Variants in NDN observed in about 807,000 individuals in gnomAD.
The protein encoded by NDN is necdin.
For synonymous variants in NDN, 245 were observed against 189.4 expected, an observed-to-expected ratio of 1.29 and a Z score of -2.41; for missense variants, 465 against 440.4, an observed-to-expected ratio of 1.06 and a Z score of -0.50.
In NDN at chr15:23,685,999, T is replaced by C; in HGVS notation, c.*253A>G. On this transcript the variant is annotated 3_prime_UTR_variant, in exon 1 of 1. Transcript: ENST00000649030. ...GTTTAGCACATCTCTGGTACAAAAATCCAAGAAAGGTAGCACAAAAGCGAA... is the reference window on the plus strand; with the variant it reads ...GTTTAGCACATCTCTGGTACAAAAACCCAAGAAAGGTAGCACAAAAGCGAA... 1 of 313,454 alleles carries C rather than the reference T, an allele frequency of 3.2e-6. No homozygotes were observed. The highest frequency in any genetic ancestry group is 5.7e-6 in the Non-Finnish European group (1 of 174,074). The allele number at this position is 313,454 out of a possible 1,614,324, so 19.4% of individuals were successfully genotyped here.
rs1036480541 is a variant in NDN, at chr15:23,685,510, T to C, written c.*742A>G. 1 of 152,242 alleles carries C rather than the reference T, an allele frequency of 6.6e-6. No individual in the cohort carries two copies. The highest frequency in any genetic ancestry group is 6.5e-5 in the Admixed American group (1 of 15,276). The allele number at this position is 152,242 out of a possible 1,614,324, so 9.4% of individuals were successfully genotyped here. A position where few individuals can be genotyped will look rare whatever the true frequency, so the allele number is the denominator to read the frequency against. On this transcript the variant is annotated 3_prime_UTR_variant, in exon 1 of 1. Transcript: ENST00000649030. ...TTTTGAAATAAACATGAGTTACATT[T>C]AAAGACAATAGAACTATAAACTTCA...
At position 23,686,281 on chromosome 15, in the gene NDN, A is replaced by G; in HGVS notation, c.937T>C (p.Tyr313His). The change falls in exon 1 of 1, where the codon TAC becomes CAC. Residue 313 changes from tyrosine to histidine, a missense_variant. Coordinates refer to ENST00000649030, the MANE Select transcript of NDN (RefSeq NM_002487.3). ...TCCTCAGAGACACTGCTGCGAGGGT[A>G]GTGGGCAGTGGGATTAGCCTCCCGC... Reference protein sequence around the residue: ...ALREANPTAHYPRSSVSED With the variant: ...ALREANPTAHHPRSSVSED 2.0e-6 allele frequency: 3 copies of G among 1,512,324 alleles called. No homozygotes were observed. The highest frequency in any genetic ancestry group is 2.7e-6 in the Non-Finnish European group (3 of 1,131,878). The allele number at this position is 1,512,324 out of a possible 1,614,324, so 93.7% of individuals were successfully genotyped here.
chr15:23,686,990 C>G lies in NDN; in HGVS notation c.228G>C (p.Glu76Asp), dbSNP rs1462980513. Residue 76 changes from glutamate to aspartate, a missense_variant, in exon 1 of 1, where the codon GAG (glutamate) becomes GAC (aspartate). Coordinates refer to ENST00000649030, the MANE Select transcript of NDN (RefSeq NM_002487.3). ...CGCTCGGGGCCTGGTGGGCGCGGCC[C>G]TCCTCCGCAGCCTGCTGCAGGGCCT... ...DPKALQQAAEEGRAHQAPSAA... is the reference protein window; with the variant it reads ...DPKALQQAAEDGRAHQAPSAA... The G allele has an allele frequency of 6.8e-7, 1 of 1,477,150 alleles. No individual in the cohort carries two copies. The highest frequency in any genetic ancestry group is 1.4e-5 in the South Asian group (1 of 71,860). 91.5% of individuals were successfully genotyped at this position (1,477,150 alleles called of 1,614,324 possible). A position where few individuals can be genotyped will look rare whatever the true frequency, so the allele number is the denominator to read the frequency against.
At position 23,685,980 on chromosome 15, in the gene NDN, C is replaced by T; in HGVS notation, c.*272G>A. 1.1e-5 allele frequency: 3 copies of T among 268,272 alleles called. No individual in the cohort carries two copies. The highest frequency in any genetic ancestry group is 2.1e-5 in the Non-Finnish European group (3 of 143,460). 16.6% of individuals were successfully genotyped at this position (268,272 alleles called of 1,614,324 possible). A position where few individuals can be genotyped will look rare whatever the true frequency, so the allele number is the denominator to read the frequency against. On this transcript the variant is annotated 3_prime_UTR_variant, in exon 1 of 1. Coordinates refer to ENST00000649030, the MANE Select transcript of NDN (RefSeq NM_002487.3). Reference sequence around the variant, plus strand: ...TTCTCAATGTATTTCATCAGTTTAGCACATCTCTGGTACAAAAATCCAAGA... The same window carrying T: ...TTCTCAATGTATTTCATCAGTTTAGTACATCTCTGGTACAAAAATCCAAGA...
chr15:23,686,918 C>A lies in NDN; in HGVS notation c.300G>T (p.Gln100His). 1 of 1,613,010 alleles carries A rather than the reference C, an allele frequency of 6.2e-7. No homozygotes were observed. Among genetic ancestry groups the A allele is most frequent in the African/African-American group, 1.3e-5 (1 of 75,038 alleles). ...PAPPAPAQLV[Q>H]KAHELMWYVL... ...CGTACCACATGAGCTCGTGCGCCTT[C>A]TGCACCAGCTGCGCCGGGGCTGGCG... Residue 100 changes from glutamine to histidine, a missense_variant, in exon 1 of 1, where the codon CAG (glutamine) becomes CAT (histidine). By Grantham distance (24) the Gln-to-His change is conservative. Coordinates refer to ENST00000649030, the MANE Select transcript of NDN (RefSeq NM_002487.3).
Position 23,686,984 on chromosome 15 carries a change from G to A in NDN, c.234C>T (p.Arg78=). ...GGGCCGCGCTCGGGGCCTGGTGGGCGCGGCCCTCCTCCGCAGCCTGCTGCA... is the reference window on the plus strand; with the variant it reads ...GGGCCGCGCTCGGGGCCTGGTGGGCACGGCCCTCCTCCGCAGCCTGCTGCA... ...KALQQAAEEG[R]AHQAPSAAQP... Residue 78 remains arginine (R), a synonymous_variant, in exon 1 of 1, where the codon CGC becomes CGT. Coordinates refer to ENST00000649030, the MANE Select transcript of NDN (RefSeq NM_002487.3). 2 of 1,487,172 alleles carry A rather than the reference G, an allele frequency of 1.3e-6. No individual in the cohort carries two copies. Among genetic ancestry groups the A allele is most frequent in the South Asian group, 1.4e-5 (1 of 73,356 alleles). The allele number at this position is 1,487,172 out of a possible 1,614,324, so 92.1% of individuals were successfully genotyped here.
Position 23,686,292 on chromosome 15 carries a change from G to T in NDN, c.926C>A (p.Pro309His), listed in dbSNP as rs1425172273. Reference protein sequence around the residue: ...EEARALREANPTAHYPRSSVS... With the variant: ...EEARALREANHTAHYPRSSVS... ...ACTGCTGCGAGGGTAGTGGGCAGTG[G>T]GATTAGCCTCCCGCAGAGCTCTGGC... Residue 309 changes from proline to histidine, a missense_variant, in exon 1 of 1, where the codon CCC (proline) becomes CAC (histidine). Coordinates refer to ENST00000649030, the MANE Select transcript of NDN (RefSeq NM_002487.3). 3 of 1,515,996 alleles carry T rather than the reference G, an allele frequency of 2.0e-6. No homozygotes were observed. Among genetic ancestry groups the T allele is most frequent in the Non-Finnish European group, 1.8e-6 (2 of 1,133,930 alleles). The allele number at this position is 1,515,996 out of a possible 1,614,324, so 93.9% of individuals were successfully genotyped here.
chr15:23,687,162 T>G lies in NDN; in HGVS notation c.56A>C (p.Asn19Thr). Residue 19 changes from asparagine to threonine, a missense_variant, in exon 1 of 1, where the codon AAC becomes ACC. Asn to Thr is a moderately conservative substitution (Grantham distance 65). Coordinates refer to ENST00000649030, the MANE Select transcript of NDN (RefSeq NM_002487.3). ...SDPNFAAEAPNSEVHSSPGVS... is the reference protein window; with the variant it reads ...SDPNFAAEAPTSEVHSSPGVS... ...CCCAGGGCTGCTGTGCACCTCGGAGTTGGGGGCCTCGGCTGCAAAGTTAGG... is the reference window on the plus strand; with the variant it reads ...CCCAGGGCTGCTGTGCACCTCGGAGGTGGGGGCCTCGGCTGCAAAGTTAGG... The G allele has an allele frequency of 1.3e-6, 2 of 1,540,952 alleles. No individual in the cohort carries two copies. Among genetic ancestry groups the G allele is most frequent in the Non-Finnish European group, 1.7e-6 (2 of 1,148,354 alleles).
chr15:23,686,534 G>A lies in NDN; in HGVS notation c.684C>T (p.Phe228=), dbSNP rs149718513. The part of the protein sequence containing the change: ...GLRPWKKHST[F]GDVRKLITEE... ...CAGTGATGAGCTTCCGCACGTCCCC[G>A]AAGGTGGAGTGCTTCTTCCAGGGCC... The change falls in exon 1 of 1, where the codon TTC becomes TTT. Residue 228 remains phenylalanine, a synonymous_variant. Coordinates refer to ENST00000649030, the MANE Select transcript of NDN (RefSeq NM_002487.3). 2 of 1,613,398 alleles carry A rather than the reference G, an allele frequency of 1.2e-6. No homozygotes were observed. Among genetic ancestry groups the A allele is most frequent in the African/African-American group, 2.7e-5 (2 of 74,942 alleles).
In NDN at chr15:23,686,331, T is replaced by TCTCTGTATC. The variant is rs1479869608; in HGVS notation, c.878_886dup (p.Arg295_Glu296insGlyTyrArg). On this transcript the variant is annotated inframe_insertion, in exon 1 of 1. Coordinates refer to ENST00000649030, the MANE Select transcript of NDN (RefSeq NM_002487.3). ...CAGAGCTCTGGCCTCCTCCAGAGCT[T>TCTCTGTATC]CTCTGTATCGGGAGGGCCAGGCCTG... 1 of 1,558,668 alleles carries TCTCTGTATC rather than the reference T, an allele frequency of 6.4e-7. No homozygotes were observed. Among genetic ancestry groups the TCTCTGTATC allele is most frequent in the Non-Finnish European group, 8.7e-7 (1 of 1,153,722 alleles).
In NDN at chr15:23,687,017, C is replaced by T; in HGVS notation, c.201G>A (p.Pro67=). 2.7e-6 allele frequency: 4 copies of T among 1,468,092 alleles called. No individual in the cohort carries two copies. The highest frequency in any genetic ancestry group is 3.6e-6 in the Non-Finnish European group (4 of 1,114,992). The allele number at this position is 1,468,092 out of a possible 1,614,324, so 90.9% of individuals were successfully genotyped here. ...PPQAPNDEGD[P]KALQQAAEEG... is the part of the protein sequence containing the mutation. ...CCTCCGCAGCCTGCTGCAGGGCCTT[C>T]GGGTCGCCCTCGTCGTTCGGGGCCT... The change falls in exon 1 of 1, where the codon CCG becomes CCA. Residue 67 remains proline, a synonymous_variant. Transcript: ENST00000649030.
In NDN at chr15:23,685,725, CG is replaced by C. The variant is rs1891133908; in HGVS notation, c.*526del. On this transcript the variant is annotated 3_prime_UTR_variant, in exon 1 of 1. Coordinates refer to ENST00000649030, the MANE Select transcript of NDN (RefSeq NM_002487.3). The stretch of plus-strand genomic sequence containing the variant: ...TAATGTTTACTTTAAAGTTGACTCA[CG>C]GTGGGGTTGTATATGTGTTTAGTAA... 1 of 152,152 alleles carries C rather than the reference CG, an allele frequency of 6.6e-6. No homozygotes were observed. The highest frequency in any genetic ancestry group is 6.5e-5 in the Admixed American group (1 of 15,276). The allele number at this position is 152,152 out of a possible 1,614,324, so 9.4% of individuals were successfully genotyped here. A position where few individuals can be genotyped will look rare whatever the true frequency, so the allele number is the denominator to read the frequency against.
Position 23,687,114 on chromosome 15 carries a change from G to A in NDN, c.104C>T (p.Ser35Phe), listed in dbSNP as rs868075920. ...GCTCTGCGGCTCTGCCAGGGTCGCG[G>A]ACGGAGGAACCCCCTCCGAAACCCC... The part of the protein sequence containing the change: ...SPGVSEGVPP[S>F]ATLAEPQSPP... Residue 35 changes from serine (S) to phenylalanine (F), a missense_variant, in exon 1 of 1, where the codon TCC becomes TTC. Physicochemically the swap from Ser to Phe is radical, Grantham distance 155. Coordinates refer to ENST00000649030, the MANE Select transcript of NDN (RefSeq NM_002487.3). The A allele has an allele frequency of 6.3e-7, 1 of 1,582,756 alleles. No individual in the cohort carries two copies.
At position 23,686,293 on chromosome 15, in the gene NDN, G is replaced by A; in HGVS notation, c.925C>T (p.Pro309Ser). The change falls in exon 1 of 1, where the codon CCC (proline) becomes TCC (serine). Residue 309 changes from proline to serine, a missense_variant. By Grantham distance (74) the Pro-to-Ser change is moderately conservative. Coordinates refer to ENST00000649030, the MANE Select transcript of NDN (RefSeq NM_002487.3). ...CTGCTGCGAGGGTAGTGGGCAGTGGGATTAGCCTCCCGCAGAGCTCTGGCC... is the reference window on the plus strand; with the variant it reads ...CTGCTGCGAGGGTAGTGGGCAGTGGAATTAGCCTCCCGCAGAGCTCTGGCC... ...EEARALREAN[P>S]TAHYPRSSVS... 8 of 1,516,686 alleles carry A rather than the reference G, an allele frequency of 5.3e-6. No homozygotes were observed. The highest frequency in any genetic ancestry group is 7.1e-6 in the Non-Finnish European group (8 of 1,134,212). 94.0% of individuals were successfully genotyped at this position (1,516,686 alleles called of 1,614,324 possible).
chr15:23,686,935 G>C lies in NDN; in HGVS notation c.283C>G (p.Pro95Ala), dbSNP rs1482723436. ...TGCGCCTTCTGCACCAGCTGCGCCGGGGCTGGCGGTGCCGGGCCCGGCTGG... is the reference window on the plus strand; with the variant it reads ...TGCGCCTTCTGCACCAGCTGCGCCGCGGCTGGCGGTGCCGGGCCCGGCTGG... Reference protein sequence around the residue: ...AAQPGPAPPAPAQLVQKAHEL... With the variant: ...AAQPGPAPPAAAQLVQKAHEL... The change falls in exon 1 of 1, where the codon CCG becomes GCG. Residue 95 changes from proline to alanine, a missense_variant. Pro to Ala is a conservative substitution (Grantham distance 27, BLOSUM62 -1). Coordinates refer to ENST00000649030, the MANE Select transcript of NDN (RefSeq NM_002487.3). 1 of 1,611,150 alleles carries C rather than the reference G, an allele frequency of 6.2e-7. No individual in the cohort carries two copies. The highest frequency in any genetic ancestry group is 1.7e-5 in the Admixed American group (1 of 59,794).
rs1891168426 is a variant in NDN, at chr15:23,687,226, C to T, written c.-9G>A. ...TTACTTTGTTCTGACATGTCTGCGC[C>T]GTCTGGCAAGGGCAGGGCCTCTGCG... On this transcript the variant is annotated 5_prime_UTR_variant, in exon 1 of 1. Transcript: ENST00000649030. 1.4e-6 allele frequency: 2 copies of T among 1,438,940 alleles called. No individual in the cohort carries two copies. Among genetic ancestry groups the T allele is most frequent in the Non-Finnish European group, 1.8e-6 (2 of 1,094,386 alleles). The allele number at this position is 1,438,940 out of a possible 1,614,324, so 89.1% of individuals were successfully genotyped here. A position where few individuals can be genotyped will look rare whatever the true frequency, so the allele number is the denominator to read the frequency against.
Position 23,686,533 on chromosome 15 carries a change from C to A in NDN, c.685G>T (p.Gly229Trp). ...LRPWKKHSTF[G>W]DVRKLITEEF... is the part of the protein sequence containing the mutation. ...TCAGTGATGAGCTTCCGCACGTCCC[C>A]GAAGGTGGAGTGCTTCTTCCAGGGC... is the stretch of plus-strand genomic sequence containing the variant. The change falls in exon 1 of 1, where the codon GGG (glycine) becomes TGG (tryptophan). Residue 229 changes from glycine to tryptophan, a missense_variant. Gly to Trp is a radical substitution (Grantham distance 184). Coordinates refer to ENST00000649030, the MANE Select transcript of NDN (RefSeq NM_002487.3). 6.2e-7 allele frequency: 1 copy of A among 1,613,538 alleles called. No individual in the cohort carries two copies. The highest frequency in any genetic ancestry group is 8.5e-7 in the Non-Finnish European group (1 of 1,180,034).
Position 23,686,897 on chromosome 15 carries a change from C to G in NDN, c.321G>C (p.Trp107Cys), listed in dbSNP as rs1261599059. 6.2e-7 allele frequency: 1 copy of G among 1,613,968 alleles called. No individual in the cohort carries two copies. The highest frequency in any genetic ancestry group is 8.5e-7 in the Non-Finnish European group (1 of 1,179,982). ...QLVQKAHELM[W>C]YVLVKDQKKM... Reference sequence around the variant, plus strand: ...TCTTCTGGTCCTTGACCAGCACGTACCACATGAGCTCGTGCGCCTTCTGCA... The same window carrying G: ...TCTTCTGGTCCTTGACCAGCACGTAGCACATGAGCTCGTGCGCCTTCTGCA... The change falls in exon 1 of 1, where the codon TGG (tryptophan) becomes TGC (cysteine). Residue 107 changes from tryptophan (W) to cysteine (C), a missense_variant. Transcript: ENST00000649030.
chr15:23,687,224 G>A lies in NDN; in HGVS notation c.-7C>T, dbSNP rs529949950. 11 of 1,441,870 alleles carry A rather than the reference G, an allele frequency of 7.6e-6. No homozygotes were observed. In the African/African-American group the frequency reaches 1.2e-4, roughly 15 times the overall value. The allele number at this position is 1,441,870 out of a possible 1,614,324, so 89.3% of individuals were successfully genotyped here. On this transcript the variant is annotated 5_prime_UTR_variant, in exon 1 of 1. Transcript: ENST00000649030. The stretch of plus-strand genomic sequence containing the variant: ...CCTTACTTTGTTCTGACATGTCTGC[G>A]CCGTCTGGCAAGGGCAGGGCCTCTG...
Sources: gnomAD v4.1 joint callset for allele counts on GRCh38, gnomAD v4.1.1 for gene constraint, MANE v1.5 for transcripts, NCBI Gene and HGNC (gene_info 2026-07-23, HGNC 2026-07-21) for gene names.